The following VPS13B variants were observed in gnomAD, a reference collection of about 807,000 sequenced individuals.
VPS13B encodes the protein intermembrane lipid transfer protein VPS13B.
A neutral mutation model predicts 426.4 loss-of-function variants in VPS13B; 285 were observed. That is an observed-to-expected ratio of 0.67 (90% CI 0.61 to 0.74). The LOEUF (loss-of-function observed/expected upper bound fraction) is 0.74. Ranked by LOEUF, VPS13B falls within the 30% of genes least tolerant of loss-of-function variation. The probability of loss-of-function intolerance (pLI) is 0.00; values close to 1 mark genes in which losing one functional copy is unlikely to be tolerated. For synonymous variants in VPS13B, 1,676 were observed against 1,676.4 expected (o/e 1.00, Z 0.01); for missense variants, 4,537 against 4,782.6 (o/e 0.95, Z 1.51).
chr8:99,167,875 T>TACCAACATTATTA (rs1346340414), intron 15 of VPS13B, among the ~76,000 whole-genome samples: 1 of 152,166 alleles, frequency 6.6e-6, no homozygotes, highest in African/African-American at 2.4e-5. Context: ...ATTATTAGTT[T>TACCAACATTATTA]GCAACATTTA....
intron 52 of VPS13B, among the ~76,000 whole-genome samples, chr8:99,832,874 G>A (rs1043117258): frequency 1.3e-5 from 2 of 152,094 alleles, no homozygotes; most frequent in Admixed American, 6.5e-5. Flanking sequence ...TGGAGCTTAC[G>A]CTGGGGGGAA....
intron 33 of VPS13B, among the ~76,000 whole-genome samples, chr8:99,635,059 C>G (rs1829015880): frequency 6.6e-6 from 1 of 151,948 alleles, no homozygotes; most frequent in Non-Finnish European, 1.5e-5. Context: ...CCTCATCCCA[C>G]AAACTTCTAA....
intron 14 of VPS13B, among the ~76,000 whole-genome samples, chr8:99,154,101 G>A (rs912904954): frequency 2.0e-5 from 3 of 149,732 alleles, no homozygotes; most frequent in African/African-American, 4.9e-5. Flanking sequence ...TTTTTTGGGC[G>A]ACTTTATCTT....
chr8:99,256,422 A>G (rs1817744637), intron 17 of VPS13B, among the ~76,000 whole-genome samples: 2 of 152,188 alleles, frequency 1.3e-5, no homozygotes, highest in Admixed American at 6.5e-5. Context: ...TAGAAGTACA[A>G]TTGCTGGATC....
At chr8:99,163,787 C>G (rs1811830193) in intron 15 of VPS13B, among the ~76,000 whole-genome samples, 1 of 151,640 alleles carries the variant, frequency 6.6e-6, no homozygotes, top group Non-Finnish European at 1.5e-5. Context: ...TCTCCCTCCA[C>G]ACCTCCCTGC....
intron 44 of VPS13B, among the ~76,000 whole-genome samples, chr8:99,813,268 A>T (rs1480607067): frequency 2.0e-5 from 3 of 152,146 alleles, no homozygotes; most frequent in Admixed American, 1.3e-4. Context: ...TGAAAATGAG[A>T]CTATAAAAAC....
intron 14 of VPS13B, among the ~76,000 whole-genome samples, chr8:99,151,364 T>G (rs1811070194): frequency 6.6e-6 from 1 of 152,184 alleles, no homozygotes; most frequent in Admixed American, 6.6e-5. Context: ...AGCAGAAATT[T>G]TGAATTTTTA....
At chr8:99,201,747 A>C (rs1814338990) in intron 17 of VPS13B, among the ~76,000 whole-genome samples, 1 of 152,174 alleles carries the variant, frequency 6.6e-6, no homozygotes, top group African/African-American at 2.4e-5. Context: ...AATTATAGTA[A>C]TCTTTATGTT....
chr8:99,259,118 T>C (rs1817914630), intron 17 of VPS13B, among the ~76,000 whole-genome samples: 1 of 152,064 alleles, frequency 6.6e-6, no homozygotes, highest in Non-Finnish European at 1.5e-5. Flanking sequence ...GATTACTGTG[T>C]GAAGTAGCTA....
chr8:99,760,380 A>AATTTT (rs1286756876), intron 39 of VPS13B, among the ~76,000 whole-genome samples: 7 of 152,198 alleles, frequency 4.6e-5, no homozygotes, highest in African/African-American at 1.7e-4. Context: ...AAAGAAAATA[A>AATTTT]AGTCAAAAAT....
At chr8:99,579,622 A>G (rs1001045752) in intron 33 of VPS13B, among the ~76,000 whole-genome samples, 5 of 151,372 alleles carry the variant, frequency 3.3e-5, no homozygotes, top group African/African-American at 1.2e-4. Flanking sequence ...CTGGTCTCCA[A>G]CTCGTGACCT....
chr8:99,810,165 C>T (rs1006080467), intron 44 of VPS13B, among the ~76,000 whole-genome samples: 27 of 152,302 alleles, frequency 1.8e-4, no homozygotes, highest in African/African-American at 6.3e-4. Flanking sequence ...GTATCTGACA[C>T]TTTCTTTTTG....
chr8:99,109,782 A>G (rs1847264922), intron 5 of VPS13B, among the ~76,000 whole-genome samples: 1 of 152,208 alleles, frequency 6.6e-6, no homozygotes, highest in African/African-American at 2.4e-5. Flanking sequence ...CTGTATAACA[A>G]TAGACAGACT....
intron 22 of VPS13B, among the ~76,000 whole-genome samples, chr8:99,437,485 C>T (rs867546383): frequency 3.3e-5 from 5 of 151,742 alleles, no homozygotes; most frequent in Middle Eastern, 3.4e-3. Flanking sequence ...TGGAAGTCCT[C>T]GGCAGGCAGA....
rs375755775 is a variant in VPS13B, at chr8:99,419,223, A to G, written c.3083-12314A>G. 1.6e-4 allele frequency among the ~76,000 whole-genome samples: 25 copies of G among 152,102 alleles called. 1 individual carries two copies. The East Asian group carries it at 4.3e-3, about 26-fold the overall frequency. On this transcript the variant is annotated intron_variant, in intron 21 of 61. Transcript: ENST00000357162. ...AGTTTGTGGCACTTCCTCACTCCCT[A>G]TCTCTTTCCTGCCACCATGTGAAGA...
chr8:99,540,482 C>G (rs1823556450), intron 30 of VPS13B, among the ~76,000 whole-genome samples: 1 of 152,126 alleles, frequency 6.6e-6, no homozygotes, highest in South Asian at 2.1e-4. Flanking sequence ...GCATCTCTTT[C>G]ACAGCTAGCT....
chr8:99,652,164 A>C (rs1432244863), intron 34 of VPS13B, among the ~76,000 whole-genome samples: 3 of 152,126 alleles, frequency 2.0e-5, no homozygotes, highest in African/African-American at 7.2e-5. Context: ...TGAAGGGTCA[A>C]ACTTGAAATA....
chr8:99,340,538 G>A (rs1811184242), intron 19 of VPS13B: 1 of 473,868 alleles, frequency 2.1e-6, no homozygotes, highest in Admixed American at 2.4e-5. Context: ...TGAAGGGGGT[G>A]GAGGTGTCTG....
intron 54 of VPS13B, among the ~76,000 whole-genome samples, chr8:99,838,434 G>T (rs77010544): frequency 0.031 from 4,752 of 152,246 alleles, 92 homozygotes; most frequent in Non-Finnish European, 0.041. Context: ...ACTTTTGTCA[G>T]AATTAGGCAA....
Sources: allele counts gnomAD v4.1 joint callset (sites outside exome capture counted in the v4.1 genomes callset), GRCh38; gene constraint gnomAD v4.1.1; transcripts MANE v1.5; gene names NCBI Gene and HGNC (gene_info 2026-07-23, HGNC 2026-07-21).